The following DAPK1 variants were observed in gnomAD, a reference collection of about 807,000 sequenced individuals.
The protein encoded by DAPK1 is death associated protein kinase 1.
Under a neutral mutation model 144.9 loss-of-function variants are expected in DAPK1, and 56 were observed. The ratio of observed to expected loss-of-function variants is 0.39; its 90% confidence interval spans 0.31 to 0.48. The LOEUF (loss-of-function observed/expected upper bound fraction) is 0.48, where lower values mean the gene tolerates loss of function less well. Among genes scored for constraint, DAPK1 ranks in the 20% least tolerant of loss-of-function variants. DAPK1 has a pLI of 0.95. For synonymous variants in DAPK1, 690 were observed against 749.0 expected (o/e 0.92, Z 1.29); for missense variants, 1,454 against 1,875.4 (o/e 0.78, Z 4.15).
At chr9:87,641,937 C>T in intron 9 of DAPK1, 32 bp from the exon 10 acceptor site, 2 of 1,562,468 alleles carry the variant, frequency 1.3e-6, no homozygotes, top group Non-Finnish European at 1.8e-6. Flanking sequence ...AATTTGAGAG[C>T]TTTAATTTTT....
At chr9:87,524,009 A>T (rs1037683529) in intron 2 of DAPK1, among the ~76,000 whole-genome samples, 1 of 152,230 alleles carries the variant, frequency 6.6e-6, no homozygotes, top group Admixed American at 6.5e-5. Context: ...CTGTCTAAAC[A>T]TGTTGAAAGA....
chr9:87,684,886 C>T (rs1023554856), intron 20 of DAPK1, among the ~76,000 whole-genome samples: 1 of 152,164 alleles, frequency 6.6e-6, no homozygotes, highest in Non-Finnish European at 1.5e-5. Context: ...TTTTATCCTC[C>T]CAACGAAAAC....
intron 2 of DAPK1, among the ~76,000 whole-genome samples, chr9:87,537,362 A>C (rs374549972): frequency 3.3e-5 from 5 of 152,112 alleles, no homozygotes; most frequent in African/African-American, 1.2e-4. Context: ...GTACGCAGTC[A>C]GCCAGCTCTG....
intron 3 of DAPK1, among the ~76,000 whole-genome samples, chr9:87,626,312 G>A (rs1263235076): frequency 6.6e-6 from 1 of 152,192 alleles, no homozygotes; most frequent in Non-Finnish European, 1.5e-5. Context: ...CTACTCGGGA[G>A]GCTGAGGCAG....
chr9:87,540,848 T>G (rs988021111), intron 2 of DAPK1, among the ~76,000 whole-genome samples: 3 of 152,224 alleles, frequency 2.0e-5, no homozygotes, highest in African/African-American at 7.2e-5. Flanking sequence ...TGACATATAC[T>G]TGACCTATAA....
chr9:87,597,752 C>G (rs1828371735), intron 2 of DAPK1, among the ~76,000 whole-genome samples: 1 of 152,108 alleles, frequency 6.6e-6, no homozygotes. Context: ...GTGTGTCTGA[C>G]CTGACGCCTC....
rs148315711 is a variant in DAPK1, at chr9:87,609,091, A to ACCCTAAGTAGGT, written c.284+3927_284+3928insTCCCTAAGTAGG. 7.1e-3 allele frequency among the ~76,000 whole-genome samples: 1,087 copies of ACCCTAAGTAGGT among 152,186 alleles called. 8 individuals are homozygous for ACCCTAAGTAGGT. Among genetic ancestry groups the ACCCTAAGTAGGT allele is most frequent in the African/African-American group, 0.025 (1,041 of 41,498 alleles). On this transcript the variant is annotated intron_variant, in intron 3 of 25. Transcript: ENST00000408954. ...AGGCCCGAATAGAACAAAAAGGCTGACCCTAAGTAGGAGACCATTTTTCCT... is the reference window on the plus strand; with the variant it reads ...AGGCCCGAATAGAACAAAAAGGCTGACCCTAAGTAGGTCCCTAAGTAGGAGACCATTTTTCCT...
intron 2 of DAPK1, among the ~76,000 whole-genome samples, chr9:87,504,397 CTG>C (rs1824512612): frequency 6.6e-6 from 1 of 152,124 alleles, no homozygotes; most frequent in Admixed American, 6.5e-5. Context: ...CTTGCTGGCA[CTG>C]GGAGTGTGTT....
rs568514209 is a variant in DAPK1, at chr9:87,658,083, C to T, written c.1879C>T (p.Arg627Trp). 38 of 1,548,098 alleles carry T rather than the reference C, an allele frequency of 2.5e-5. No individual in the cohort carries two copies. The East Asian group carries it at 3.6e-4, about 15-fold the overall frequency. Reference sequence around the variant, plus strand: ...CAACAACGGAATCCTAGACGTGGTCCGGTATCTCTGTCTGATGGGAGCCAG... The same window carrying T: ...CAACAACGGAATCCTAGACGTGGTCTGGTATCTCTGTCTGATGGGAGCCAG... ...AANNGILDVV[R>W]YLCLMGASVE... is the part of the protein sequence containing the mutation. Residue 627 changes from arginine to tryptophan, a missense_variant, in exon 18 of 26, where the codon CGG (arginine) becomes TGG (tryptophan). By Grantham distance (101) the Arg-to-Trp change is moderately radical. This residue lies in a region of DAPK1 where 1,025 missense variants were observed against 1,237.9 expected (regional missense o/e 0.83). Coordinates refer to ENST00000408954, the MANE Select transcript of DAPK1 (RefSeq NM_004938.4).
chr9:87,567,380 T>A (rs1337930618), intron 2 of DAPK1, among the ~76,000 whole-genome samples: 1 of 151,842 alleles, frequency 6.6e-6, no homozygotes, highest in East Asian at 1.9e-4. Flanking sequence ...AGATACAGGC[T>A]GTGGGGGAAT....
rs879265552 is a variant in DAPK1 at position 87,536,488 on chromosome 9, TA to T, written c.62+37360del. Among the ~76,000 whole-genome samples the T allele has an allele frequency of 3.5e-3, 519 of 147,666 alleles. 2 individuals are homozygous for T. Among genetic ancestry groups the T allele is most frequent in the African/African-American group, 0.011 (454 of 40,504 alleles). ...AGAGCCTAAGATTTTGACAATTAGTTAAAAAAAAAAATCTGCAAGTCATGTG... is the reference window on the plus strand; with the variant it reads ...AGAGCCTAAGATTTTGACAATTAGTTAAAAAAAAAATCTGCAAGTCATGTG... On this transcript the variant is annotated intron_variant, in intron 2 of 25. Transcript: ENST00000408954.
At chr9:87,610,808 C>T (rs1175799220) in intron 3 of DAPK1, among the ~76,000 whole-genome samples, 1 of 152,216 alleles carries the variant, frequency 6.6e-6, no homozygotes, top group Non-Finnish European at 1.5e-5. Flanking sequence ...TCAGTGTTGT[C>T]AGCTCTTCCA....
chr9:87,576,338 G>A (rs1484189330), intron 2 of DAPK1, among the ~76,000 whole-genome samples: 2 of 152,206 alleles, frequency 1.3e-5, no homozygotes, highest in Non-Finnish European at 2.9e-5. Flanking sequence ...AAGCGCAGTG[G>A]ACTCCTATAT....
chr9:87,524,361 C>A (rs891631271), intron 2 of DAPK1, among the ~76,000 whole-genome samples: 1 of 152,224 alleles, frequency 6.6e-6, no homozygotes, highest in Non-Finnish European at 1.5e-5. Flanking sequence ...GACCCCCTCA[C>A]CCTCAGGGCC....
chr9:87,550,916 G>A (rs1826454469), intron 2 of DAPK1, among the ~76,000 whole-genome samples: 3 of 152,198 alleles, frequency 2.0e-5, no homozygotes, highest in Non-Finnish European at 4.4e-5. Flanking sequence ...CTGTGGACGT[G>A]TGCTTTTATT....
At chr9:87,666,284 AT>A (rs1831050023) in intron 18 of DAPK1, among the ~76,000 whole-genome samples, 1 of 152,102 alleles carries the variant, frequency 6.6e-6, no homozygotes, top group Non-Finnish European at 1.5e-5. Flanking sequence ...GACCCACCAC[AT>A]AGCCGGTGAG....
chr9:87,508,651 A>C (rs539180976), intron 2 of DAPK1, among the ~76,000 whole-genome samples: 1 of 152,304 alleles, frequency 6.6e-6, no homozygotes, highest in African/African-American at 2.4e-5. Context: ...CACGATTGTC[A>C]GGATTTTTGA....
At chr9:87,580,786 G>T (rs528173654) in intron 2 of DAPK1, among the ~76,000 whole-genome samples, 1 of 152,302 alleles carries the variant, frequency 6.6e-6, no homozygotes, top group East Asian at 1.9e-4. Context: ...ACATATACGA[G>T]TCTCCCACAT....
intron 23 of DAPK1, 141 bp downstream of exon 23, chr9:87,698,935 C>A (rs1467584022): frequency 3.3e-6 from 2 of 598,050 alleles, no homozygotes; most frequent in Non-Finnish European, 3.0e-6. Flanking sequence ...CAACTCTTTT[C>A]TTGTACAGGT....
Sources: allele counts gnomAD v4.1 joint callset (sites outside exome capture counted in the v4.1 genomes callset), GRCh38; gene constraint gnomAD v4.1.1; regional missense constraint gnomAD v4.1.1; transcripts MANE v1.5; gene names NCBI Gene and HGNC (gene_info 2026-07-23, HGNC 2026-07-21).